PATJ: variants seen among roughly 807,000 people sequenced by gnomAD.
The protein encoded by PATJ is inaD-like protein.
A neutral mutation model predicts 224.9 loss-of-function variants in PATJ; 190 were observed. The observed-to-expected ratio is 0.84, with a 90% CI of 0.75 to 0.95. The LOEUF (loss-of-function observed/expected upper bound fraction) is 0.95, where lower values mean the gene tolerates loss of function less well. Among genes scored for constraint, PATJ ranks in the 40% least tolerant of loss-of-function variants. The pLI, the probability that PATJ is intolerant of heterozygous loss-of-function variation, is 0.00. For synonymous variants in PATJ, 769 were observed against 820.3 expected, an observed-to-expected ratio of 0.94 and a Z score of 1.07; for missense variants, 2,121 against 2,270.3, an observed-to-expected ratio of 0.93 and a Z score of 1.34.
chr1:61,975,988 T>C (rs1644108515), intron 27 of PATJ, among the ~76,000 whole-genome samples: 2 of 152,100 alleles, frequency 1.3e-5, no homozygotes, highest in African/African-American at 4.8e-5. Context: ...ATTTTGCCTC[T>C]AATTTTTTCT....
At chr1:61,846,557 T>C (rs2148863541) in intron 17 of PATJ, among the ~76,000 whole-genome samples, 1 of 152,310 alleles carries the variant, frequency 6.6e-6, no homozygotes, top group East Asian at 1.9e-4. Flanking sequence ...TTTAAATGAA[T>C]AGTTTAGTAG....
chr1:61,813,376 TATACACACACAC>T (rs1375881103), intron 14 of PATJ, among the ~76,000 whole-genome samples: 4 of 36,820 alleles, frequency 1.1e-4, no homozygotes, highest in Non-Finnish European at 1.6e-4. Context: ...TATATATATA[TATACACACACAC>T]ACACACACAC....
At chr1:61,871,553 ATATATTTTTTTTTTTTT>A (rs1666596002) in intron 20 of PATJ, among the ~76,000 whole-genome samples, 1 of 25,544 alleles carries the variant, frequency 3.9e-5, no homozygotes, top group Admixed American at 8.4e-4. Context: ...ATATATATAT[ATATATTTTTTTTTTTTT>A]TTTTTTTTTT....
chr1:61,853,718 T>A (rs757765322), intron 17 of PATJ, among the ~76,000 whole-genome samples: 3 of 152,228 alleles, frequency 2.0e-5, no homozygotes, highest in Non-Finnish European at 2.9e-5. Context: ...CCACGTCGAT[T>A]GCCTGCTGAT....
chr1:61,772,853 T>C (rs935911846), intron 6 of PATJ, among the ~76,000 whole-genome samples: 4 of 152,166 alleles, frequency 2.6e-5, no homozygotes, highest in African/African-American at 9.7e-5. Flanking sequence ...AGAGATGTTA[T>C]GAGGCTTGAA....
At chr1:62,148,036 G>C (rs1003151281) in intron 41 of PATJ, among the ~76,000 whole-genome samples, 4 of 147,382 alleles carry the variant, frequency 2.7e-5, no homozygotes, top group Admixed American at 1.4e-4. Context: ...TGGGAGGACT[G>C]CTTGAGCCTG....
At chr1:61,954,653 T>C (rs960043870) in intron 27 of PATJ, among the ~76,000 whole-genome samples, 1 of 152,160 alleles carries the variant, frequency 6.6e-6, no homozygotes, top group African/African-American at 2.4e-5. Flanking sequence ...AGGTAAGAAA[T>C]ATCACTCCTA....
chr1:61,950,978 C>G (rs1679574022), intron 27 of PATJ, among the ~76,000 whole-genome samples: 1 of 152,088 alleles, frequency 6.6e-6, no homozygotes, highest in Non-Finnish European at 1.5e-5. Flanking sequence ...GAAACCCCAT[C>G]TCTACTAAAA....
intron 29 of PATJ, among the ~76,000 whole-genome samples, chr1:62,034,442 CAAA>C (rs58542108): frequency 8.2e-4 from 82 of 100,150 alleles, no homozygotes; most frequent in South Asian, 1.8e-3. Context: ...GACTCTGTCT[CAAA>C]AAAAAAAAAA....
chr1:62,017,627 G>A (rs1417206532), intron 28 of PATJ, among the ~76,000 whole-genome samples: 21 of 151,142 alleles, frequency 1.4e-4, no homozygotes, highest in African/African-American at 5.1e-4. Context: ...AGCTACTCAG[G>A]AGGCTCAGGC....
At chr1:61,940,381 T>A (rs11207873) in intron 27 of PATJ, among the ~76,000 whole-genome samples, 6,598 of 152,248 alleles carry the variant, frequency 0.043, 534 homozygotes, top group African/African-American at 0.15. Context: ...TTATCAGTAG[T>A]AATATAAAAT....
chr1:61,914,565 AC>A (rs758144853), intron 25 of PATJ, 21 bp from the exon 26 acceptor site: 3 of 1,172,910 alleles, frequency 2.6e-6, no homozygotes, highest in Admixed American at 2.1e-5. Flanking sequence ...TCTTCCCCCC[AC>A]CCCTTTTTTT....
intron 33 of PATJ, among the ~76,000 whole-genome samples, chr1:62,104,844 G>A (rs1662698000): frequency 6.6e-6 from 1 of 151,890 alleles, no homozygotes; most frequent in South Asian, 2.1e-4. Flanking sequence ...GCTAATTTTT[G>A]TATTTTTAGT....
intron 27 of PATJ, among the ~76,000 whole-genome samples, chr1:61,947,784 T>G (rs1187772318): frequency 6.6e-6 from 1 of 152,196 alleles, no homozygotes; most frequent in African/African-American, 2.4e-5. Context: ...AGAACAAAGC[T>G]GGAGTCATCT....
At chr1:62,049,768 A>G (rs1653241882) in intron 30 of PATJ, among the ~76,000 whole-genome samples, 1 of 152,178 alleles carries the variant, frequency 6.6e-6, no homozygotes, top group Non-Finnish European at 1.5e-5. Flanking sequence ...AAAAGTCACG[A>G]AAGAAAACAA....
intron 14 of PATJ, among the ~76,000 whole-genome samples, chr1:61,812,433 A>AGAGAGTGTGTGTGT (rs1397549346): frequency 2.8e-4 from 24 of 85,200 alleles, no homozygotes; most frequent in African/African-American, 1.1e-3. Context: ...AGAGAGAGAG[A>AGAGAGTGTGTGTGT]GTGTGTGTGT....
chr1:61,806,222 A>G (rs1653504895), intron 13 of PATJ, among the ~76,000 whole-genome samples: 1 of 152,198 alleles, frequency 6.6e-6, no homozygotes, highest in South Asian at 2.1e-4. Flanking sequence ...ATTTTCTTAC[A>G]TATGTTTATA....
chr1:61,991,329 G>T (rs1227963081), intron 28 of PATJ, among the ~76,000 whole-genome samples: 1 of 152,130 alleles, frequency 6.6e-6, no homozygotes, highest in Admixed American at 6.6e-5. Context: ...TTGACTTGTA[G>T]CTCTTTGTAA....
At chr1:62,109,975 T>C (rs1009283434) in intron 34 of PATJ, among the ~76,000 whole-genome samples, 20 of 152,200 alleles carry the variant, frequency 1.3e-4, no homozygotes, top group African/African-American at 4.6e-4. Flanking sequence ...TTCTATAAAG[T>C]ATATTCAAGT....
Sources: gnomAD v4.1 joint callset for allele counts (sites outside exome capture counted in the v4.1 genomes callset) on GRCh38, gnomAD v4.1.1 for gene constraint, MANE v1.5 for transcripts, NCBI Gene and HGNC (gene_info 2026-07-23, HGNC 2026-07-21) for gene names.